Variants in ZBTB4 observed in about 807,000 individuals in gnomAD.
ZBTB4 encodes the protein zinc finger and BTB domain containing 4.
A neutral mutation model predicts 59.8 loss-of-function variants in ZBTB4; 14 were observed. That is an observed-to-expected ratio of 0.23 (90% CI 0.15 to 0.37). ZBTB4 has a LOEUF of 0.37. ZBTB4 is among the 10% of genes least tolerant of loss of function. The probability of loss-of-function intolerance (pLI) is 1.00; values close to 1 mark genes in which losing one functional copy is unlikely to be tolerated. For synonymous variants in ZBTB4, 587 were observed against 575.2 expected, an observed-to-expected ratio of 1.02 and a Z score of -0.29; for missense variants, 1,198 against 1,380.8, an observed-to-expected ratio of 0.87 and a Z score of 2.10.
At chr17:7,474,676 C>A (rs973940600) in intron 1 of ZBTB4, among the ~76,000 whole-genome samples, 2 of 152,100 alleles carry the variant, frequency 1.3e-5, no homozygotes, top group African/African-American at 4.8e-5. Context: ...ATCGTCCACG[C>A]TGGACTGAGT....
In ZBTB4 at chr17:7,461,911, C is replaced by G. The variant is rs1447324395; in HGVS notation, c.*29G>C. On this transcript the variant is annotated 3_prime_UTR_variant, in exon 4 of 4. Coordinates refer to ENST00000380599, the MANE Select transcript of ZBTB4 (RefSeq NM_001128833.2). Reference sequence around the variant, plus strand: ...GTGGGGGGTTCAGGGAGGGTGGCATCTGGTGAAAGGGGGATTGAGCCCCAG... The same window carrying G: ...GTGGGGGGTTCAGGGAGGGTGGCATGTGGTGAAAGGGGGATTGAGCCCCAG... 2 of 1,514,104 alleles carry G rather than the reference C, an allele frequency of 1.3e-6. No homozygotes were observed. Among genetic ancestry groups the G allele is most frequent in the Admixed American group, 2.2e-5 (1 of 45,434 alleles). 93.8% of individuals were successfully genotyped at this position (1,514,104 alleles called of 1,614,324 possible).
rs551034821 is a variant in ZBTB4 at position 7,470,846 on chromosome 17, C to T, written c.-80-3519G>A. On this transcript the variant is annotated intron_variant, in intron 1 of 3. Coordinates refer to ENST00000380599, the MANE Select transcript of ZBTB4 (RefSeq NM_001128833.2). ...TCCTGATGACTTCACCATATATTAA[C>T]GAAGGACGTGTTTATGGCACCCACT... Among the ~76,000 whole-genome samples, 255 of 152,262 alleles carry T rather than the reference C, an allele frequency of 1.7e-3. 2 individuals are homozygous for T. Among genetic ancestry groups the T allele is most frequent in the African/African-American group, 5.8e-3 (241 of 41,564 alleles).
In ZBTB4 at chr17:7,466,746, T is replaced by C; in HGVS notation, c.56A>G (p.Gln19Arg). The C allele has an allele frequency of 1.9e-6, 3 of 1,594,016 alleles. No individual in the cohort carries two copies. The highest frequency in any genetic ancestry group is 1.7e-6 in the Non-Finnish European group (2 of 1,171,550). The change falls in exon 3 of 4, where the codon CAG (glutamine) becomes CGG (arginine). Residue 19 changes from glutamine to arginine, a missense_variant. By Grantham distance (43) the Gln-to-Arg change is conservative. This residue lies in a region of ZBTB4 where 44 missense variants were observed against 86.2 expected (regional missense o/e 0.51). Transcript: ENST00000380599. This position sits in a 1 kb window ranked among gnomAD's most constrained non-coding sequence, Gnocchi z 9.1. Reference sequence around the variant, plus strand: ...GCCACGGAGCCGCTGTTCATTGAGCTGGCGCAGGACGGCGGGGGCATGGGA... The same window carrying C: ...GCCACGGAGCCGCTGTTCATTGAGCCGGCGCAGGACGGCGGGGGCATGGGA... The part of the protein sequence containing the change: ...DPSHAPAVLR[Q>R]LNEQRLRGLF...
chr17:7,481,506 TC>T (rs1274261860), upstream of ZBTB4: 1 of 1,558,048 alleles, frequency 6.4e-7, no homozygotes, highest in South Asian at 1.2e-5. Context: ...GAGGAGAAAG[TC>T]CAAGGAAAGA....
Position 7,474,550 on chromosome 17 carries a change from G to A in ZBTB4, c.-81+4906C>T, listed in dbSNP as rs538727372. Among the ~76,000 whole-genome samples, 6 of 152,194 alleles carry A rather than the reference G, an allele frequency of 3.9e-5. No individual in the cohort carries two copies. In the South Asian group the frequency reaches 1.2e-3, roughly 32 times the overall value. ...GGGAATTTTGTCTGCTTTGTTCATTGCCGTATCTGAAGTCGTTAGAATAGG... is the reference window on the plus strand; with the variant it reads ...GGGAATTTTGTCTGCTTTGTTCATTACCGTATCTGAAGTCGTTAGAATAGG... On this transcript the variant is annotated intron_variant, in intron 1 of 3. Transcript: ENST00000380599.
intron 1 of ZBTB4, among the ~76,000 whole-genome samples, chr17:7,469,221 C>T (rs148706380): frequency 2.6e-5 from 4 of 152,270 alleles, no homozygotes; most frequent in African/African-American, 9.6e-5. Flanking sequence ...GACTGGAATG[C>T]AGTGGTGCAA....
Position 7,474,267 on chromosome 17 carries a change from G to A in ZBTB4, c.-81+5189C>T, listed in dbSNP as rs373159992. Among the ~76,000 whole-genome samples, 4 of 124,628 alleles carry A rather than the reference G, an allele frequency of 3.2e-5. No individual in the cohort carries two copies. The East Asian group carries it at 7.2e-4, about 23-fold the overall frequency. 81.8% of individuals were successfully genotyped at this position (124,628 alleles called of 152,430 possible). On this transcript the variant is annotated intron_variant, in intron 1 of 3. Coordinates refer to ENST00000380599, the MANE Select transcript of ZBTB4 (RefSeq NM_001128833.2). ...GTCTTGCTTTGTCACCCAGGCTGTA[G>A]TGCAGTGGTGTTACCACAGCTCCCT...
At chr17:7,470,002 A>T (rs999135485) in intron 1 of ZBTB4, among the ~76,000 whole-genome samples, 8 of 152,030 alleles carry the variant, frequency 5.3e-5, no homozygotes, top group African/African-American at 1.9e-4. Context: ...GAATCACTTG[A>T]ATCCGGGAGG....
chr17:7,482,055 G>A, upstream of ZBTB4: 1 of 1,613,676 alleles, frequency 6.2e-7, no homozygotes, highest in Non-Finnish European at 8.5e-7. Flanking sequence ...GCTCCACCCA[G>A]CCTCCGCTGG....
At chr17:7,469,248 C>G (rs1165532630) in intron 1 of ZBTB4, among the ~76,000 whole-genome samples, 1 of 152,150 alleles carries the variant, frequency 6.6e-6, no homozygotes, top group Non-Finnish European at 1.5e-5. Flanking sequence ...CTCACTGCAA[C>G]CCCCGCCTCC....
intron 1 of ZBTB4, 64 bp downstream of exon 1, chr17:7,479,392 G>T (rs1355860034): frequency 1.3e-5 from 2 of 153,170 alleles, no homozygotes; most frequent in Non-Finnish European, 2.9e-5. Flanking sequence ...CCGGGCAGCG[G>T]AGAGGGGGCC....
rs751011895 is a variant in ZBTB4, at chr17:7,462,292, C to T, written c.2690G>A (p.Gly897Glu). The T allele has an allele frequency of 1.2e-6, 2 of 1,613,808 alleles. No homozygotes were observed. Among genetic ancestry groups the T allele is most frequent in the East Asian group, 2.2e-5 (1 of 44,868 alleles). ...GTCCCCCTCACCAGCCCCCACTGGC[C>T]CTTCACTCCCAGATTTTCCCCTGCC... ...GGGRGKSGSEGPVGAGEGDRM... is the reference protein window; with the variant it reads ...GGGRGKSGSEEPVGAGEGDRM... Residue 897 changes from glycine (G) to glutamate (E), a missense_variant, in exon 4 of 4, where the codon GGG (glycine) becomes GAG (glutamate). Gly to Glu is a moderately conservative substitution (Grantham distance 98). Transcript: ENST00000380599. This position sits in a 1 kb window ranked among gnomAD's most constrained non-coding sequence, Gnocchi z 7.5.
chr17:7,483,892 A>G (rs2150871800), upstream of ZBTB4: 1 of 152,408 alleles, frequency 6.6e-6, no homozygotes, highest in South Asian at 2.1e-4. Context: ...ACTTCCGGAC[A>G]AGCCACTGGT....
intron 1 of ZBTB4, among the ~76,000 whole-genome samples, chr17:7,474,552 C>T (rs934265354): frequency 2.0e-5 from 3 of 151,930 alleles, no homozygotes; most frequent in Admixed American, 6.6e-5. Flanking sequence ...TGTTCATTGC[C>T]GTATCTGAAG....
At chr17:7,476,697 A>G (rs2070273565) in intron 1 of ZBTB4, among the ~76,000 whole-genome samples, 1 of 152,034 alleles carries the variant, frequency 6.6e-6, no homozygotes, top group Admixed American at 6.6e-5. Flanking sequence ...CCTTCCTCTG[A>G]CTCATCAACC....
chr17:7,472,851 C>T (rs2070217467), intron 1 of ZBTB4, among the ~76,000 whole-genome samples: 1 of 151,618 alleles, frequency 6.6e-6, no homozygotes, highest in African/African-American at 2.4e-5. Flanking sequence ...TCTATGTTGG[C>T]CAGGCTGGTC....
In ZBTB4 at chr17:7,462,729, G is replaced by T; in HGVS notation, c.2253C>A (p.Gly751=). ...TCCGTCCGGCCCGGGAGCTGTGGGAGCCCCCACCGTGGGCCTCTTGGTGCT... is the reference window on the plus strand; with the variant it reads ...TCCGTCCGGCCCGGGAGCTGTGGGATCCCCCACCGTGGGCCTCTTGGTGCT... ...LRKHQEAHGG[G]SHSSRAGRRP... The change falls in exon 4 of 4, where the codon GGC becomes GGA. Residue 751 remains glycine (G), a synonymous_variant. Coordinates refer to ENST00000380599, the MANE Select transcript of ZBTB4 (RefSeq NM_001128833.2). This position sits in a 1 kb window ranked among gnomAD's most constrained non-coding sequence, Gnocchi z 7.5. The T allele has an allele frequency of 6.2e-7, 1 of 1,603,826 alleles. No individual in the cohort carries two copies. The highest frequency in any genetic ancestry group is 1.3e-5 in the African/African-American group (1 of 75,046).
intron 1 of ZBTB4, among the ~76,000 whole-genome samples, chr17:7,478,511 G>A (rs963634691): frequency 6.6e-6 from 1 of 152,038 alleles, no homozygotes; most frequent in Non-Finnish European, 1.5e-5. Context: ...CAGACGTGAC[G>A]CCTTCTGACT....
intron 1 of ZBTB4, among the ~76,000 whole-genome samples, chr17:7,474,151 A>G (rs917290420): frequency 1.3e-5 from 2 of 150,334 alleles, no homozygotes; most frequent in African/African-American, 2.5e-5. Flanking sequence ...TCCTGACCTC[A>G]GGTGATCCAC....
Sources: gnomAD v4.1 joint callset for allele counts (sites outside exome capture counted in the v4.1 genomes callset) on GRCh38, gnomAD v4.1.1 for gene constraint, gnomAD v4.1.1 regional missense constraint, Gnocchi (gnomAD v3.1) non-coding constraint, MANE v1.5 for transcripts, NCBI Gene and HGNC (gene_info 2026-07-23, HGNC 2026-07-21) for gene names.